The following KLHL13 variants were observed in gnomAD, a reference collection of about 807,000 sequenced individuals.
The protein encoded by KLHL13 is kelch like family member 13, also known as kelch-like protein 13.
In KLHL13, 10 loss-of-function variants were observed where a neutral mutation model predicts 37.1. The observed-to-expected ratio is 0.27, with a 90% confidence interval of 0.17 to 0.46. KLHL13 has a LOEUF of 0.46. KLHL13 is among the 20% of genes least tolerant of loss of function. KLHL13 has a pLI of 1.00. For synonymous variants in KLHL13, 163 were observed against 181.2 expected (o/e 0.90, Z 0.81); for missense variants, 360 against 509.3 (o/e 0.71, Z 2.82).
At chrX:118,022,666 C>T (rs954633322) in intron 1 of KLHL13, among the ~76,000 whole-genome samples, 4 of 111,937 alleles carry the variant, frequency 3.6e-5, no homozygotes, top group African/African-American at 1.3e-4. Context: ...AGGTCCTTTG[C>T]TCATTTTTAA....
chrX:118,062,044 A>G (rs2054748393), intron 1 of KLHL13, among the ~76,000 whole-genome samples: 1 of 110,618 alleles, frequency 9.0e-6, no homozygotes, highest in Admixed American at 9.6e-5. Flanking sequence ...TTTCTAATCC[A>G]TCCTCTCTAT....
chrX:118,113,857 G>T (rs1569321152), intron 1 of KLHL13, among the ~76,000 whole-genome samples: 1 of 112,231 alleles, frequency 8.9e-6, no homozygotes, highest in Admixed American at 9.5e-5. Flanking sequence ...GCCTTATAAG[G>T]TTTATCATTG....
chrX:118,098,963 G>A (rs1187294044), intron 1 of KLHL13, among the ~76,000 whole-genome samples: 21 of 64,835 alleles, frequency 3.2e-4, no homozygotes, highest in African/African-American at 1.2e-3. Context: ...GGGGGAGGGG[G>A]GAGAGGGGAG....
intron 1 of KLHL13, among the ~76,000 whole-genome samples, chrX:118,043,889 A>G (rs1189666608): frequency 8.9e-6 from 1 of 111,775 alleles, no homozygotes; most frequent in Non-Finnish European, 1.9e-5. Context: ...GAAGTCCTAG[A>G]TAGAGCAACC....
intron 1 of KLHL13, among the ~76,000 whole-genome samples, chrX:118,102,414 T>C (rs2055300245): frequency 8.9e-6 from 1 of 111,969 alleles, no homozygotes; most frequent in Admixed American, 9.5e-5. Context: ...GTGAATGTGA[T>C]GTGTGCAAAT....
chrX:118,097,312 G>C (rs1286237088), intron 1 of KLHL13, among the ~76,000 whole-genome samples: 1 of 111,468 alleles, frequency 9.0e-6, no homozygotes, highest in Admixed American at 9.6e-5. Flanking sequence ...CAGATCATGA[G>C]GGAACTCCCA....
intron 1 of KLHL13, among the ~76,000 whole-genome samples, chrX:117,996,411 T>G (rs763714042): frequency 7.2e-5 from 8 of 111,607 alleles, no homozygotes; most frequent in African/African-American, 2.6e-4. Context: ...TTTTAAAAAT[T>G]CAATTTTTAT....
intron 4 of KLHL13, among the ~76,000 whole-genome samples, chrX:117,910,430 T>C (rs1341969040): frequency 1.2e-5 from 1 of 86,933 alleles, no homozygotes; most frequent in Non-Finnish European, 2.2e-5. Context: ...AAAATACTGA[T>C]AAAATTCCTG....
At chrX:117,926,398 G>A (rs1281899602) in intron 2 of KLHL13, among the ~76,000 whole-genome samples, 1 of 110,991 alleles carries the variant, frequency 9.0e-6, no homozygotes, top group African/African-American at 3.3e-5. Context: ...TCCAGAGCTC[G>A]AAAAACAGTC....
chrX:117,914,646 A>C (rs1300484873), intron 4 of KLHL13, among the ~76,000 whole-genome samples: 1 of 111,943 alleles, frequency 8.9e-6, no homozygotes, highest in Non-Finnish European at 1.9e-5. Context: ...TGGTAAGAAC[A>C]AAGGGATAAT....
At chrX:118,030,312 T>C (rs868162583) in intron 1 of KLHL13, among the ~76,000 whole-genome samples, 5 of 112,076 alleles carry the variant, frequency 4.5e-5, no homozygotes, top group Admixed American at 9.5e-5. Flanking sequence ...TAAAACATGT[T>C]AAAGTGATGA....
intron 1 of KLHL13, among the ~76,000 whole-genome samples, chrX:118,084,487 G>C (rs2055031973): frequency 8.9e-6 from 1 of 112,025 alleles, no homozygotes; most frequent in Non-Finnish European, 1.9e-5. Context: ...GAGGAAACAG[G>C]TACTTAGAGG....
intron 1 of KLHL13, among the ~76,000 whole-genome samples, chrX:118,050,455 T>C (rs1432806839): frequency 8.9e-6 from 1 of 111,887 alleles, no homozygotes; most frequent in Non-Finnish European, 1.9e-5. Flanking sequence ...GGCTTAGCTG[T>C]CTTTATTTCT....
chrX:118,098,100 G>A (rs1569316884), intron 1 of KLHL13, among the ~76,000 whole-genome samples: 1 of 111,892 alleles, frequency 8.9e-6, no homozygotes, highest in Non-Finnish European at 1.9e-5. Flanking sequence ...AAACTCAAGA[G>A]CTTCTGCACA....
chrX:118,037,040 T>C (rs1318070279), intron 1 of KLHL13, among the ~76,000 whole-genome samples: 2 of 92,082 alleles, frequency 2.2e-5, no homozygotes, highest in Non-Finnish European at 2.2e-5. Context: ...AAAACCACAA[T>C]GAGATACCAT....
intron 1 of KLHL13, among the ~76,000 whole-genome samples, chrX:118,111,909 AAAAG>A (rs1479230317): frequency 3.6e-5 from 4 of 112,167 alleles, no homozygotes; most frequent in African/African-American, 6.5e-5. Context: ...AAAAAAAAGA[AAAAG>A]AAAAAGAGAA....
chrX:118,034,903 A>G (rs1362888425), intron 1 of KLHL13, among the ~76,000 whole-genome samples: 15 of 87,116 alleles, frequency 1.7e-4, no homozygotes, highest in Non-Finnish European at 2.3e-4. Context: ...AAAATGTTAA[A>G]GGGGATATCA....
At chrX:117,917,825 C>T (rs1931462454) in intron 4 of KLHL13, among the ~76,000 whole-genome samples, 1 of 111,695 alleles carries the variant, frequency 9.0e-6, no homozygotes, top group African/African-American at 3.2e-5. Context: ...CTTAATTTGG[C>T]TCAGGATGAC....
intron 1 of KLHL13, among the ~76,000 whole-genome samples, chrX:118,040,412 C>A (rs1290613873): frequency 9.0e-6 from 1 of 111,382 alleles, no homozygotes; most frequent in African/African-American, 3.3e-5. Context: ...CTGAAAAATA[C>A]AAATGACATA....
Sources: gnomAD v4.1 joint callset for allele counts (sites outside exome capture counted in the v4.1 genomes callset) on GRCh38, gnomAD v4.1.1 for gene constraint, MANE v1.5 for transcripts, NCBI Gene and HGNC (gene_info 2026-07-23, HGNC 2026-07-21) for gene names.